Variants in LAMP3 observed in about 807,000 individuals in gnomAD.
The protein encoded by LAMP3 is lysosome-associated membrane glycoprotein 3.
In LAMP3, 26 loss-of-function variants were observed where a neutral mutation model predicts 34.8. That is an observed-to-expected ratio of 0.75 (90% CI 0.55 to 1.04). LAMP3 has a LOEUF of 1.04. Among genes scored for constraint, LAMP3 ranks in the 50% least tolerant of loss-of-function variants. LAMP3 has a pLI of 0.00. For synonymous variants in LAMP3, 180 were observed against 201.9 expected, an observed-to-expected ratio of 0.89 and a Z score of 0.92; for missense variants, 495 against 524.0, an observed-to-expected ratio of 0.94 and a Z score of 0.54.
At chr3:183,144,294 C>A (rs975291141) in intron 3 of LAMP3, among the ~76,000 whole-genome samples, 2 of 152,126 alleles carry the variant, frequency 1.3e-5, no homozygotes, top group Non-Finnish European at 2.9e-5. Flanking sequence ...TATGCGAAGT[C>A]GGGGTGAGCA....
rs541715726 is a variant in LAMP3, at chr3:183,135,963, T to G, written c.947-76A>C. ...GCTCCAGCTGTGGCCGGGCTGCCTG[T>G]GCACAGCTAAATGGCCTTCCTTCCT... On this transcript the variant is annotated intron_variant, in intron 4 of 5. Transcript: ENST00000265598. 1.2e-5 allele frequency: 14 copies of G among 1,185,024 alleles called. No individual in the cohort carries two copies. The Admixed American group carries it at 1.6e-4, about 13-fold the overall frequency. 73.4% of individuals were successfully genotyped at this position (1,185,024 alleles called of 1,614,324 possible). A position where few individuals can be genotyped will look rare whatever the true frequency, so the allele number is the denominator to read the frequency against.
intron 5 of LAMP3, among the ~76,000 whole-genome samples, chr3:183,128,144 T>A (rs1719829034): frequency 1.9e-5 from 1 of 53,850 alleles, no homozygotes; most frequent in Non-Finnish European, 4.7e-5. Context: ...CGACACTCCA[T>A]CTCAAAAAAA....
intron 5 of LAMP3, among the ~76,000 whole-genome samples, chr3:183,130,837 C>CA (rs1719898441): frequency 6.6e-6 from 1 of 152,064 alleles, no homozygotes; most frequent in South Asian, 2.1e-4. Context: ...TAAAGCAACC[C>CA]ACTCTTTTTT....
At chr3:183,124,245 G>A (rs776875596) in intron 5 of LAMP3, 31 bp from the exon 6 acceptor site, 2 of 1,503,998 alleles carry the variant, frequency 1.3e-6, no homozygotes, top group Non-Finnish European at 1.8e-6. Flanking sequence ...AATACAGTGG[G>A]TAAGGTTTGG....
intron 4 of LAMP3, among the ~76,000 whole-genome samples, chr3:183,136,595 G>T (rs1025487679): frequency 6.2e-5 from 9 of 145,416 alleles, no homozygotes; most frequent in Non-Finnish European, 1.5e-5. Context: ...AGGTTGTGTT[G>T]AGCCGAGATT....
chr3:183,133,919 T>C (rs1720002816), intron 5 of LAMP3, among the ~76,000 whole-genome samples: 1 of 152,194 alleles, frequency 6.6e-6, no homozygotes, highest in Non-Finnish European at 1.5e-5. Context: ...AAAAATCGCC[T>C]ATCACTCAAG....
chr3:183,137,475 G>T (rs1159723311), intron 4 of LAMP3, among the ~76,000 whole-genome samples: 1 of 152,186 alleles, frequency 6.6e-6, no homozygotes, highest in East Asian at 1.9e-4. Context: ...TCTCTGGTCT[G>T]CTTAGTAGTT....
chr3:183,151,223 G>T (rs1437922113), intron 3 of LAMP3, among the ~76,000 whole-genome samples: 1 of 152,126 alleles, frequency 6.6e-6, no homozygotes, highest in East Asian at 1.9e-4. Flanking sequence ...AATCCCAGCT[G>T]CAAGGGGTCT....
At chr3:183,135,991 C>CCCA in intron 4 of LAMP3, 104 bp from the exon 5 acceptor site, 1 of 896,606 alleles carries the variant, frequency 1.1e-6, no homozygotes, top group Non-Finnish European at 1.8e-6. Flanking sequence ...TCCTTCCTTC[C>CCCA]GAGGGGCTTT....
At chr3:183,161,272 T>C (rs1560318762) in intron 1 of LAMP3, among the ~76,000 whole-genome samples, 1 of 152,174 alleles carries the variant, frequency 6.6e-6, no homozygotes, top group African/African-American at 2.4e-5. Context: ...GGAAGAAACC[T>C]CTGATGCATC....
At chr3:183,145,125 A>T (rs1415739881) in intron 3 of LAMP3, among the ~76,000 whole-genome samples, 1 of 152,184 alleles carries the variant, frequency 6.6e-6, no homozygotes, top group Non-Finnish European at 1.5e-5. Flanking sequence ...TTTTAAAAGC[A>T]ACTATCCCAC....
intron 1 of LAMP3, among the ~76,000 whole-genome samples, chr3:183,160,050 A>G (rs966756981): frequency 6.6e-6 from 1 of 152,240 alleles, no homozygotes; most frequent in Non-Finnish European, 1.5e-5. Context: ...CTCCCACACT[A>G]GAACTGACCT....
intron 5 of LAMP3, among the ~76,000 whole-genome samples, chr3:183,127,060 T>G (rs1719796206): frequency 6.6e-6 from 1 of 152,236 alleles, no homozygotes; most frequent in African/African-American, 2.4e-5. Flanking sequence ...TCGTTTCCAG[T>G]TTAAACATTA....
chr3:183,135,945 C>T, intron 4 of LAMP3, 58 bp from the exon 5 acceptor site: 1 of 1,422,816 alleles, frequency 7.0e-7, no homozygotes, highest in Non-Finnish European at 9.9e-7. Context: ...TGAGCTCCAG[C>T]TGTGGCCGGG....
At position 183,154,163 on chromosome 3, in the gene LAMP3, T is replaced by C. The variant is rs369097974; in HGVS notation, c.278A>G (p.Asn93Ser). 1.2e-5 allele frequency: 20 copies of C among 1,613,842 alleles called. No individual in the cohort carries two copies. The highest frequency in any genetic ancestry group is 2.2e-5 in the East Asian group (1 of 44,864). Residue 93 changes from asparagine to serine, a missense_variant, in exon 2 of 6, where the codon AAC becomes AGC. Transcript: ENST00000265598. ...GGTAATTGGGCTGGTGGTTGCAGTGTTTTTTGTAGTCGCTGGGGTAGTTGT... is the reference window on the plus strand; with the variant it reads ...GGTAATTGGGCTGGTGGTTGCAGTGCTTTTTGTAGTCGCTGGGGTAGTTGT... ...IPTTTPATTK[N>S]TATTSPITYT... is the part of the protein sequence containing the mutation.
intron 3 of LAMP3, among the ~76,000 whole-genome samples, chr3:183,144,768 G>T (rs1334466332): frequency 1.3e-5 from 2 of 152,160 alleles, no homozygotes; most frequent in African/African-American, 4.8e-5. Flanking sequence ...AGCTGGGCAT[G>T]GTGGCATGTA....
intron 4 of LAMP3, 72 bp from the exon 5 acceptor site, chr3:183,135,959 C>T: frequency 8.2e-7 from 1 of 1,222,768 alleles, no homozygotes; most frequent in Non-Finnish European, 1.2e-6. Flanking sequence ...GGCCGGGCTG[C>T]CTGTGCACAG....
At chr3:183,143,828 T>C (rs1720359920) in intron 3 of LAMP3, among the ~76,000 whole-genome samples, 1 of 152,250 alleles carries the variant, frequency 6.6e-6, no homozygotes, top group Non-Finnish European at 1.5e-5. Flanking sequence ...AAATCGTCTT[T>C]GGTAAACTTT....
chr3:183,135,010 T>C (rs1005589278), intron 5 of LAMP3, among the ~76,000 whole-genome samples: 8 of 152,228 alleles, frequency 5.3e-5, no homozygotes, highest in Non-Finnish European at 1.0e-4. Context: ...GAAATCCTTA[T>C]AACAATGTGT....
Sources: gnomAD v4.1 joint callset for allele counts (sites outside exome capture counted in the v4.1 genomes callset) on GRCh38, gnomAD v4.1.1 for gene constraint, MANE v1.5 for transcripts, NCBI Gene and HGNC (gene_info 2026-07-23, HGNC 2026-07-21) for gene names.